JPH4: variants seen among roughly 807,000 people sequenced by gnomAD.
JPH4 encodes the protein junctophilin 4.
In JPH4, 18 loss-of-function variants were observed where a neutral mutation model predicts 57.6. The ratio of observed to expected loss-of-function variants is 0.31; its 90% CI spans 0.22 to 0.46. The LOEUF is 0.46. Among genes scored for constraint, JPH4 ranks in the 20% least tolerant of loss-of-function variants. JPH4 has a pLI of 1.00. For missense variants in JPH4, 727 were observed against 911.1 expected, an observed-to-expected ratio of 0.80 and a Z score of 2.60; for synonymous variants, 425 against 406.6, an observed-to-expected ratio of 1.05 and a Z score of -0.54.
rs1032861795 is a variant in JPH4 at position 23,576,269 on chromosome 14, C to T, written c.567G>A (p.Ser189=). ...CCAGCACGAAGCCGCCCCGGGAGCCCGAGGCGGGGCTGCCTCCCTCGTCGC... is the reference window on the plus strand; with the variant it reads ...CCAGCACGAAGCCGCCCCGGGAGCCTGAGGCGGGGCTGCCTCCCTCGTCGC... The part of the protein sequence containing the change: ...LPGDEGGSPA[S]GSRGGFVLAG... The change falls in exon 3 of 6, where the codon TCG becomes TCA. Residue 189 remains serine (S), a synonymous_variant. Transcript: ENST00000356300. The surrounding 1 kb of genome is among the most constrained non-coding windows in gnomAD (Gnocchi z 8.0). 4 of 1,265,374 alleles carry T rather than the reference C, an allele frequency of 3.2e-6. No homozygotes were observed. In the African/African-American group the frequency reaches 4.7e-5, roughly 15 times the overall value. 78.4% of individuals were successfully genotyped at this position (1,265,374 alleles called of 1,614,324 possible).
Position 23,571,170 on chromosome 14 carries a change from G to C in JPH4, c.1561C>G (p.Gln521Glu), listed in dbSNP as rs573098950. 5.6e-6 allele frequency: 9 copies of C among 1,614,068 alleles called. No individual in the cohort carries two copies. Among genetic ancestry groups the C allele is most frequent in the Non-Finnish European group, 7.6e-6 (9 of 1,179,992 alleles). The change falls in exon 5 of 6, where the codon CAA (glutamine) becomes GAA (glutamate). Residue 521 changes from glutamine to glutamate, a missense_variant. Gln to Glu is a conservative substitution (Grantham distance 29, BLOSUM62 2). Transcript: ENST00000356300. This position sits in a 1 kb window ranked among gnomAD's most constrained non-coding sequence, Gnocchi z 4.6. ...GAACCGTCTCTGGGCCCTGGCCCTT[G>C]CATCCCAGCCTCATCCTCAGCCTCA... ...GYEAEDEAGMQGPGPRDGSPL... is the reference protein window; with the variant it reads ...GYEAEDEAGMEGPGPRDGSPL...
Position 23,571,048 on chromosome 14 carries a change from G to C in JPH4, c.1683C>G (p.Gly561=), listed in dbSNP as rs1186917701. 10 of 1,607,686 alleles carry C rather than the reference G, an allele frequency of 6.2e-6. No individual in the cohort carries two copies. The South Asian group carries it at 8.9e-5, about 14-fold the overall frequency. The change falls in exon 5 of 6, where the codon GGC becomes GGG. Residue 561 remains glycine, a synonymous_variant. Coordinates refer to ENST00000356300, the MANE Select transcript of JPH4 (RefSeq NM_001146028.2). This position sits in a 1 kb window ranked among gnomAD's most constrained non-coding sequence, Gnocchi z 4.6. ...EPLPPLRAPA[G]TEPEPIAMLV... ...GCATGGCGATGGGCTCAGGCTCCGT[G>C]CCTGCTGGGGCCCTCAGCGGGGGCA...
At chr14:23,570,575 TG>T (rs1889103423) in intron 5 of JPH4, among the ~76,000 whole-genome samples, 1 of 151,976 alleles carries the variant, frequency 6.6e-6, no homozygotes, top group African/African-American at 2.4e-5. Flanking sequence ...GGGGTTTCAC[TG>T]TATTAGCCAG....
Position 23,568,483 on chromosome 14 carries a change from T to G in JPH4, c.*1151A>C. ...GTTTGACTCCCACCTCTGCCCTGCC[T>G]GGGAAGCATGTGAGATCAGCTATCT... On this transcript the variant is annotated 3_prime_UTR_variant, in exon 6 of 6. Coordinates refer to ENST00000356300, the MANE Select transcript of JPH4 (RefSeq NM_001146028.2). The G allele has an allele frequency of 1.0e-6, 1 of 985,790 alleles. No individual in the cohort carries two copies. The highest frequency in any genetic ancestry group is 1.2e-6 in the Non-Finnish European group (1 of 829,994). The allele number at this position is 985,790 out of a possible 1,614,324, so 61.1% of individuals were successfully genotyped here. A position where few individuals can be genotyped will look rare whatever the true frequency, so the allele number is the denominator to read the frequency against.
Position 23,575,453 on chromosome 14 carries a change from G to A in JPH4, c.1151+232C>T, listed in dbSNP as rs1285814376. 7 of 601,162 alleles carry A rather than the reference G, an allele frequency of 1.2e-5. No homozygotes were observed. The highest frequency in any genetic ancestry group is 2.1e-5 in the Non-Finnish European group (7 of 337,518). 37.2% of individuals were successfully genotyped at this position (601,162 alleles called of 1,614,324 possible). On this transcript the variant is annotated intron_variant, in intron 3 of 5. Transcript: ENST00000356300. This position sits in a 1 kb window ranked among gnomAD's most constrained non-coding sequence, Gnocchi z 6.9. ...CAAAAGACACCGAGACACATTTACA[G>A]TCTTACACCATCTCCCTCAAATACC...
In JPH4 at chr14:23,571,125, T is replaced by A. The variant is rs749040656; in HGVS notation, c.1606A>T (p.Ser536Cys). The change falls in exon 5 of 6, where the codon AGC becomes TGC. Residue 536 changes from serine (S) to cysteine (C), a missense_variant. Coordinates refer to ENST00000356300, the MANE Select transcript of JPH4 (RefSeq NM_001146028.2). The surrounding 1 kb of genome is among the most constrained non-coding windows in gnomAD (Gnocchi z 4.6). ...TCTCGAAGACTTCCTGAACTGTCGC[T>A]GCAGCCTCCGAGGAGTGGGGAACCG... ...RDGSPLLGGC[S>C]DSSGSLREEE... The A allele has an allele frequency of 1.9e-6, 3 of 1,614,112 alleles. No homozygotes were observed. The Admixed American group carries it at 5.0e-5, about 27-fold the overall frequency.
Position 23,568,907 on chromosome 14 carries a change from A to C in JPH4, c.*727T>G, listed in dbSNP as rs551053550. ...TGTTCCTTTACACGTTGCTCTTGGC[A>C]TGGCATGCCACCAGAGGGGGCTGGA... On this transcript the variant is annotated 3_prime_UTR_variant, in exon 6 of 6. Coordinates refer to ENST00000356300, the MANE Select transcript of JPH4 (RefSeq NM_001146028.2). 3.8e-5 allele frequency: 25 copies of C among 650,798 alleles called. No individual in the cohort carries two copies. The African/African-American group carries it at 4.7e-4, about 12-fold the overall frequency. 40.3% of individuals were successfully genotyped at this position (650,798 alleles called of 1,614,324 possible). A position where few individuals can be genotyped will look rare whatever the true frequency, so the allele number is the denominator to read the frequency against.
intron 3 of JPH4, among the ~76,000 whole-genome samples, chr14:23,573,316 A>G (rs1889197746): frequency 2.0e-5 from 3 of 152,186 alleles, no homozygotes; most frequent in Admixed American, 1.3e-4. Flanking sequence ...CAGATTGTAT[A>G]TAACTAGCCC....
Position 23,578,347 on chromosome 14 carries a change from A to C in JPH4, c.-339T>G, listed in dbSNP as rs984354248. On this transcript the variant is annotated 5_prime_UTR_variant, in exon 1 of 6. Transcript: ENST00000356300. The stretch of plus-strand genomic sequence containing the variant: ...GAGAGTCCCCTCTCTCCCCAGCTGG[A>C]GGAGCAGGCTGGGTGGGGGGGCGAG... 3 of 144,620 alleles carry C rather than the reference A, an allele frequency of 2.1e-5. No homozygotes were observed. Among genetic ancestry groups the C allele is most frequent in the African/African-American group, 7.8e-5 (3 of 38,674 alleles). The allele number at this position is 144,620 out of a possible 1,614,324, so 9.0% of individuals were successfully genotyped here.
chr14:23,574,891 C>A lies in JPH4; in HGVS notation c.1151+794G>T, dbSNP rs943955898. On this transcript the variant is annotated intron_variant, in intron 3 of 5. Coordinates refer to ENST00000356300, the MANE Select transcript of JPH4 (RefSeq NM_001146028.2). ...CTGGTCTTGATGGGCTCAAGTGATC[C>A]CCTTACCTCTCAAGGGTCTACAGGT... 2.4e-4 allele frequency: 48 copies of A among 201,100 alleles called. 1 individual carries two copies. Among genetic ancestry groups the A allele is most frequent in the African/African-American group, 1.1e-3 (46 of 43,026 alleles). 12.5% of individuals were successfully genotyped at this position (201,100 alleles called of 1,614,324 possible).
chr14:23,571,782 C>T lies in JPH4; in HGVS notation c.1270+20G>A, dbSNP rs752238826. Reference sequence around the variant, plus strand: ...TCCCTAGGGGCCTCACTGCCCTCCCCCCAGCTGTCCATGCCTCACCTGGGG... The same window carrying T: ...TCCCTAGGGGCCTCACTGCCCTCCCTCCAGCTGTCCATGCCTCACCTGGGG... On this transcript the variant is annotated intron_variant, in intron 4 of 5. Coordinates refer to ENST00000356300, the MANE Select transcript of JPH4 (RefSeq NM_001146028.2). The surrounding 1 kb of genome is among the most constrained non-coding windows in gnomAD (Gnocchi z 4.6). 1.2e-6 allele frequency: 2 copies of T among 1,605,642 alleles called. No homozygotes were observed. The highest frequency in any genetic ancestry group is 1.1e-5 in the South Asian group (1 of 90,976).
rs1174205203 is a variant in JPH4 at position 23,568,609 on chromosome 14, T to G, written c.*1025A>C. ...GGACTACTAAACTTGTCACAGCTTC[T>G]GCTTCCATGTGAGCTCCTGTTATCT... On this transcript the variant is annotated 3_prime_UTR_variant, in exon 6 of 6. Transcript: ENST00000356300. 1.0e-6 allele frequency: 1 copy of G among 985,810 alleles called. No homozygotes were observed. The highest frequency in any genetic ancestry group is 1.2e-6 in the Non-Finnish European group (1 of 829,968). 61.1% of individuals were successfully genotyped at this position (985,810 alleles called of 1,614,324 possible).
chr14:23,577,086 T>G lies in JPH4; in HGVS notation c.368A>C (p.Tyr123Ser). Residue 123 changes from tyrosine (Y) to serine (S), a missense_variant, in exon 2 of 6, where the codon TAC (tyrosine) becomes TCC (serine). Physicochemically the swap from Tyr to Ser is moderately radical, Grantham distance 144. Around this residue, in one of 7 missense-constraint regions of JPH4, gnomAD observed 90 missense variants for 88.1 expected, o/e 1.02. Transcript: ENST00000356300. The surrounding 1 kb of genome is among the most constrained non-coding windows in gnomAD (Gnocchi z 8.4). ...GCCGGGCCCCGCACCTCCGTCGGAGTAGGTCTCAGTGCCGTAGCCGTCCTG... is the reference window on the plus strand; with the variant it reads ...GCCGGGCCCCGCACCTCCGTCGGAGGAGGTCTCAGTGCCGTAGCCGTCCTG... The part of the protein sequence containing the change: ...GFQDGYGTET[Y>S]SDGGTYQGQW... 6.5e-7 allele frequency: 1 copy of G among 1,543,164 alleles called. No homozygotes were observed. The highest frequency in any genetic ancestry group is 1.2e-5 in the South Asian group (1 of 83,822).
At chr14:23,573,937 AACACACACACACACAC>A (rs35127620) in intron 3 of JPH4, among the ~76,000 whole-genome samples, 3 of 143,090 alleles carry the variant, frequency 2.1e-5, no homozygotes, top group Non-Finnish European at 4.6e-5. Context: ...CTCTCTCTGT[AACACACACACACACAC>A]ACACACACAC....
chr14:23,577,679 C>G lies in JPH4; in HGVS notation c.-171-55G>C, dbSNP rs1889309486. The G allele has an allele frequency of 4.9e-6, 2 of 407,054 alleles. No individual in the cohort carries two copies. Among genetic ancestry groups the G allele is most frequent in the East Asian group, 7.3e-5 (2 of 27,284 alleles). The allele number at this position is 407,054 out of a possible 1,614,324, so 25.2% of individuals were successfully genotyped here. On this transcript the variant is annotated intron_variant, in intron 1 of 5. Transcript: ENST00000356300. This position sits in a 1 kb window ranked among gnomAD's most constrained non-coding sequence, Gnocchi z 8.4. ...GCGAGAGAGGCCCCTCCTCTTTGCC[C>G]GCCGCTCCCTGGCCCGGTGGCTCTG...
intron 3 of JPH4, among the ~76,000 whole-genome samples, chr14:23,574,178 T>A (rs1230972332): frequency 7.2e-6 from 1 of 138,514 alleles, no homozygotes; most frequent in Non-Finnish European, 1.6e-5. Context: ...TCTTTTAGAT[T>A]TTTTTTTTTT....
intron 3 of JPH4, chr14:23,572,891 GC>G (rs1889187139): frequency 1.4e-6 from 1 of 702,454 alleles, no homozygotes; most frequent in African/African-American, 1.7e-5. Flanking sequence ...CCCCACTGTT[GC>G]TTCTCAGTTC....
chr14:23,571,574 C>A lies in JPH4; in HGVS notation c.1271-114G>T. 7.7e-7 allele frequency: 1 copy of A among 1,306,220 alleles called. No individual in the cohort carries two copies. The highest frequency in any genetic ancestry group is 2.1e-5 in the Admixed American group (1 of 46,826). 80.9% of individuals were successfully genotyped at this position (1,306,220 alleles called of 1,614,324 possible). ...GACTTTGGAATTCCCAGGCTCATAG[C>A]CTCTCACCGCCAGACCCCAAACCCC... On this transcript the variant is annotated intron_variant, in intron 4 of 5. Coordinates refer to ENST00000356300, the MANE Select transcript of JPH4 (RefSeq NM_001146028.2). This position sits in a 1 kb window ranked among gnomAD's most constrained non-coding sequence, Gnocchi z 4.6.
In JPH4 at chr14:23,569,483, G is replaced by T; in HGVS notation, c.*151C>A. 3.0e-6 allele frequency: 2 copies of T among 664,730 alleles called. No homozygotes were observed. The highest frequency in any genetic ancestry group is 5.4e-6 in the Non-Finnish European group (2 of 368,728). The allele number at this position is 664,730 out of a possible 1,614,324, so 41.2% of individuals were successfully genotyped here. ...GAAAGAAGACAGGGAAAGAAAAAGCGAGAGAAAAAAACAAAGGAGCACAGA... is the reference window on the plus strand; with the variant it reads ...GAAAGAAGACAGGGAAAGAAAAAGCTAGAGAAAAAAACAAAGGAGCACAGA... On this transcript the variant is annotated 3_prime_UTR_variant, in exon 6 of 6. Coordinates refer to ENST00000356300, the MANE Select transcript of JPH4 (RefSeq NM_001146028.2). The surrounding 1 kb of genome is among the most constrained non-coding windows in gnomAD (Gnocchi z 4.8).
Sources: gnomAD v4.1 joint callset for allele counts (sites outside exome capture counted in the v4.1 genomes callset) on GRCh38, gnomAD v4.1.1 for gene constraint, gnomAD v4.1.1 regional missense constraint, Gnocchi (gnomAD v3.1) non-coding constraint, MANE v1.5 for transcripts, NCBI Gene and HGNC (gene_info 2026-07-23, HGNC 2026-07-21) for gene names.